The following COG2 variants were observed in gnomAD, a reference collection of about 807,000 sequenced individuals.
COG2 encodes the protein conserved oligomeric Golgi complex subunit 2.
In COG2, 52 loss-of-function variants were observed where a neutral mutation model predicts 90.6. That is an observed-to-expected ratio of 0.57 (90% CI 0.46 to 0.72). The LOEUF is 0.72. Ranked by LOEUF, COG2 falls within the 30% of genes least tolerant of loss-of-function variation. The probability of loss-of-function intolerance (pLI) is 0.00; values close to 1 mark genes in which losing one functional copy is unlikely to be tolerated. For synonymous variants in COG2, 337 were observed against 320.4 expected, an observed-to-expected ratio of 1.05 and a Z score of -0.55; for missense variants, 829 against 891.2, an observed-to-expected ratio of 0.93 and a Z score of 0.89.
Position 230,687,143 on chromosome 1 carries a change from G to C in COG2, c.1578+11G>C, listed in dbSNP as rs769964798. ...AAGCTTCAGGAGCAGGTAAGCCTGT[G>C]TCCCAGAATAATTCCAGGTGCTTGG... On this transcript the variant is annotated intron_variant, in intron 13 of 17. Coordinates refer to ENST00000366669, the MANE Select transcript of COG2 (RefSeq NM_007357.3). 53 of 1,600,442 alleles carry C rather than the reference G, an allele frequency of 3.3e-5. No individual in the cohort carries two copies. The highest frequency in any genetic ancestry group is 4.4e-5 in the Non-Finnish European group (52 of 1,172,076).
Position 230,687,062 on chromosome 1 carries a change from A to C in COG2, c.1508A>C (p.Lys503Thr). 1.1e-5 allele frequency: 17 copies of C among 1,613,170 alleles called. No homozygotes were observed. Among genetic ancestry groups the C allele is most frequent in the Non-Finnish European group, 1.3e-5 (15 of 1,179,490 alleles). ...CAAGGAAGTGGTCCTTCGGAAACAA[A>C]GCCTGTGGTTTCCATTTCCCGCACT... ...EDQGSGPSET[K>T]PVVSISRTQL... Residue 503 changes from lysine (K) to threonine (T), a missense_variant, in exon 13 of 18, where the codon AAG becomes ACG. By Grantham distance (78) the Lys-to-Thr change is moderately conservative. Transcript: ENST00000366669.
intron 7 of COG2, chr1:230,671,302 G>A: frequency 3.3e-6 from 1 of 301,546 alleles, no homozygotes; most frequent in East Asian, 6.9e-5. Flanking sequence ...GTCAGCCCAT[G>A]TCTCCCCCAC....
At chr1:230,688,355 A>G in intron 14 of COG2, 65 bp from the exon 15 acceptor site, 2 of 1,579,378 alleles carry the variant, frequency 1.3e-6, no homozygotes, top group Non-Finnish European at 1.7e-6. Context: ...CTGTGACAGT[A>G]TTTCAAATGA....
At chr1:230,650,458 T>C (rs1253524686) in intron 1 of COG2, among the ~76,000 whole-genome samples, 1 of 152,226 alleles carries the variant, frequency 6.6e-6, no homozygotes, top group Non-Finnish European at 1.5e-5. Context: ...TGATTAGTTA[T>C]GTTGGACATT....
intron 1 of COG2, among the ~76,000 whole-genome samples, chr1:230,653,832 C>T (rs1043867529): frequency 2.6e-5 from 4 of 152,110 alleles, no homozygotes; most frequent in Non-Finnish European, 5.9e-5. Context: ...CATACAAGAG[C>T]AAGAGAGGGA....
At chr1:230,666,950 A>C (rs1190965374) in intron 5 of COG2, among the ~76,000 whole-genome samples, 1 of 152,254 alleles carries the variant, frequency 6.6e-6, no homozygotes, top group Non-Finnish European at 1.5e-5. Context: ...GAGAAAGTAC[A>C]AACAAGACAC....
rs911783570 is a variant in COG2 at position 230,642,502 on chromosome 1, C to T, written c.-105C>T. ...TGCCATGTTGGCGGAAGCGGACCCC[C>T]CTGTGCCGTGGAAACTGGCGGTGGC... On this transcript the variant is annotated 5_prime_UTR_variant, in exon 1 of 18. Transcript: ENST00000366669. The T allele has an allele frequency of 3.5e-6, 4 of 1,134,110 alleles. No homozygotes were observed. The South Asian group carries it at 4.3e-5, about 12-fold the overall frequency. The allele number at this position is 1,134,110 out of a possible 1,614,324, so 70.3% of individuals were successfully genotyped here.
rs768020688 is a variant in COG2, at chr1:230,683,587, G to A, written c.1180G>A (p.Ala394Thr). The A allele has an allele frequency of 6.2e-7, 1 of 1,611,548 alleles. No homozygotes were observed. The highest frequency in any genetic ancestry group is 8.5e-7 in the Non-Finnish European group (1 of 1,177,904). Residue 394 changes from alanine to threonine, a missense_variant, in exon 11 of 18, where the codon GCG becomes ACG. Coordinates refer to ENST00000366669, the MANE Select transcript of COG2 (RefSeq NM_007357.3). ...VYFQIRFREIAGSLEAALTDV... is the reference protein window; with the variant it reads ...VYFQIRFREITGSLEAALTDV... Reference sequence around the variant, plus strand: ...TTTTTATCTCAGATTTAGAGAAATAGCGGGATCCTTAGAAGCAGCACTTAC... The same window carrying A: ...TTTTTATCTCAGATTTAGAGAAATAACGGGATCCTTAGAAGCAGCACTTAC...
chr1:230,693,589 C>CT lies in COG2; in HGVS notation c.*201dup. The CT allele has an allele frequency of 2.3e-6, 1 of 441,788 alleles. No homozygotes were observed. The highest frequency in any genetic ancestry group is 5.6e-5 in the South Asian group (1 of 17,946). 27.4% of individuals were successfully genotyped at this position (441,788 alleles called of 1,614,324 possible). On this transcript the variant is annotated 3_prime_UTR_variant, in exon 18 of 18. Coordinates refer to ENST00000366669, the MANE Select transcript of COG2 (RefSeq NM_007357.3). ...TCTTTGCCCAAAAGAACACAAAAGC[C>CT]TTTTTCCATTGTATGGAAGATAGTT... is the stretch of plus-strand genomic sequence containing the variant.
At chr1:230,666,814 C>T (rs757206469) in intron 5 of COG2, among the ~76,000 whole-genome samples, 4 of 152,076 alleles carry the variant, frequency 2.6e-5, no homozygotes, top group Non-Finnish European at 4.4e-5. Flanking sequence ...AAATACTGTG[C>T]TAAGTGGAAA....
intron 17 of COG2, among the ~76,000 whole-genome samples, chr1:230,692,717 G>A (rs944155115): frequency 7.2e-6 from 1 of 138,090 alleles, no homozygotes; most frequent in Non-Finnish European, 1.7e-5. Context: ...GTATCTTCCC[G>A]GATCTTTCTC....
chr1:230,643,931 C>T (rs1046629055), intron 1 of COG2, among the ~76,000 whole-genome samples: 1 of 151,994 alleles, frequency 6.6e-6, no homozygotes, highest in African/African-American at 2.4e-5. Context: ...GGAGAGGTGC[C>T]CTGGAAGAGG....
At position 230,691,370 on chromosome 1, in the gene COG2, G is replaced by T; in HGVS notation, c.1935-14G>T. 1 of 1,584,682 alleles carries T rather than the reference G, an allele frequency of 6.3e-7. No individual in the cohort carries two copies. ...AATGCCTCTTTTCACCAATAAACGT[G>T]TCTTCTATTCAAGGTACTATGAAAC... On this transcript the variant is annotated splice_polypyrimidine_tract_variant and intron_variant, in intron 16 of 17. Transcript: ENST00000366669.
chr1:230,689,977 T>G, intron 15 of COG2, 37 bp from the exon 16 acceptor site: 1 of 1,527,828 alleles, frequency 6.5e-7, no homozygotes, highest in Non-Finnish European at 8.8e-7. Context: ...TCTGTTTTTT[T>G]CCTGTGCATC....
At chr1:230,646,761 A>G (rs1213662768) in intron 1 of COG2, among the ~76,000 whole-genome samples, 1 of 152,120 alleles carries the variant, frequency 6.6e-6, no homozygotes, top group East Asian at 1.9e-4. Flanking sequence ...CTCAGGTAAT[A>G]CTAGACCTGA....
intron 1 of COG2, among the ~76,000 whole-genome samples, chr1:230,657,314 T>C (rs1662082778): frequency 6.6e-6 from 1 of 152,248 alleles, no homozygotes; most frequent in Non-Finnish European, 1.5e-5. Flanking sequence ...TTATTTCTCC[T>C]TTGCTTATGA....
chr1:230,685,388 G>A, intron 12 of COG2, 152 bp downstream of exon 12: 1 of 732,422 alleles, frequency 1.4e-6, no homozygotes, highest in Non-Finnish European at 2.2e-6. Flanking sequence ...CCAGCTCTGT[G>A]TCTGTGTTTC....
intron 9 of COG2, among the ~76,000 whole-genome samples, chr1:230,675,792 C>T (rs923305045): frequency 6.6e-6 from 1 of 152,046 alleles, no homozygotes; most frequent in African/African-American, 2.4e-5. Flanking sequence ...ATTTCAGGCG[C>T]ACACCACCAT....
chr1:230,678,021 T>C (rs1662641380), intron 9 of COG2: 1 of 985,378 alleles, frequency 1.0e-6, no homozygotes, highest in African/African-American at 1.7e-5. Flanking sequence ...AAGCCTGTAG[T>C]TTTTACTACT....
Sources: gnomAD v4.1 joint callset for allele counts (sites outside exome capture counted in the v4.1 genomes callset) on GRCh38, gnomAD v4.1.1 for gene constraint, MANE v1.5 for transcripts, NCBI Gene and HGNC (gene_info 2026-07-23, HGNC 2026-07-21) for gene names.